The following MYO16 variants were observed in gnomAD, a reference collection of about 807,000 sequenced individuals.
MYO16 encodes the protein myosin XVI.
MYO16 carries 94 observed loss-of-function variants against 205.3 expected under a neutral mutation model. The ratio of observed to expected loss-of-function variants is 0.46; its 90% confidence interval spans 0.39 to 0.54. MYO16 has a LOEUF of 0.54. Ranked by LOEUF, MYO16 falls within the 20% of genes least tolerant of loss-of-function variation. The pLI is 0.00. For synonymous variants in MYO16, 988 were observed against 954.0 expected (o/e 1.04, Z -0.66); for missense variants, 2,315 against 2,387.5 (o/e 0.97, Z 0.63).
intron 14 of MYO16, among the ~76,000 whole-genome samples, chr13:108,889,624 A>T (rs1261072382): frequency 6.6e-6 from 1 of 152,222 alleles, no homozygotes; most frequent in Non-Finnish European, 1.5e-5. Flanking sequence ...CTCTACCTAG[A>T]GATGGAACCC....
chr13:108,960,849 T>A (rs1883554335), intron 17 of MYO16, among the ~76,000 whole-genome samples: 2 of 152,252 alleles, frequency 1.3e-5, no homozygotes, highest in Middle Eastern at 3.2e-3. Context: ...TCATTTTTTT[T>A]ATGCAGCGTT....
At chr13:109,040,385 C>CAGAGAGAGAGAGAGAG (rs146955371) in intron 23 of MYO16, among the ~76,000 whole-genome samples, 1,665 of 113,100 alleles carry the variant, frequency 0.015, 28 homozygotes, top group Middle Eastern at 0.03. Context: ...CACACACACA[C>CAGAGAGAGAGAGAGAG]AGAGAGAGAG....
chr13:109,079,990 C>G (rs560626126), intron 27 of MYO16, among the ~76,000 whole-genome samples: 1 of 151,414 alleles, frequency 6.6e-6, no homozygotes, highest in African/African-American at 2.4e-5. Context: ...ATTCTCCTGC[C>G]TTAGCCTCCT....
chr13:109,066,880 A>T (rs1050528170), intron 27 of MYO16, among the ~76,000 whole-genome samples: 17 of 152,278 alleles, frequency 1.1e-4, no homozygotes, highest in African/African-American at 3.8e-4. Flanking sequence ...GATTTTTTAG[A>T]AAAACGGACG....
intron 2 of MYO16, among the ~76,000 whole-genome samples, chr13:108,669,344 C>T (rs1428386506): frequency 6.6e-6 from 1 of 151,920 alleles, no homozygotes; most frequent in African/African-American, 2.4e-5. Flanking sequence ...GTTTTCTTGA[C>T]TTGTTGGGAG....
chr13:108,808,300 C>CTTT (rs11464211), intron 7 of MYO16, among the ~76,000 whole-genome samples: 5 of 144,656 alleles, frequency 3.5e-5, no homozygotes, highest in Admixed American at 1.4e-4. Flanking sequence ...TTCTTCTTTG[C>CTTT]TTTTTTTTTT....
intron 5 of MYO16, among the ~76,000 whole-genome samples, chr13:108,791,210 A>T (rs1886606676): frequency 6.6e-6 from 1 of 152,218 alleles, no homozygotes; most frequent in Non-Finnish European, 1.5e-5. Context: ...TCAGAAGCTG[A>T]GGAATGGTCA....
chr13:108,707,117 C>T (rs1364034668), intron 2 of MYO16, among the ~76,000 whole-genome samples: 1 of 152,128 alleles, frequency 6.6e-6, no homozygotes, highest in Non-Finnish European at 1.5e-5. Flanking sequence ...GAGCAGCTCA[C>T]TTGAATAAAG....
At position 109,203,489 on chromosome 13, in the gene MYO16, A is replaced by AT. The variant is rs138251487; in HGVS notation, c.5416-3119dup. Among the ~76,000 whole-genome samples the AT allele has an allele frequency of 9.6e-3, 1,447 of 151,200 alleles. 30 individuals carry two copies. The highest frequency in any genetic ancestry group is 0.033 in the African/African-American group (1,375 of 41,092). On this transcript the variant is annotated intron_variant, in intron 34 of 34. Transcript: ENST00000457511. ...TTGGCTTCTGGCTTCCAGTGTTTCC[A>AT]TGAAGACATCAGCTTTCACTCTTAC...
At chr13:108,861,081 GACAA>G (rs1472930185) in intron 11 of MYO16, among the ~76,000 whole-genome samples, 10 of 151,880 alleles carry the variant, frequency 6.6e-5, no homozygotes. Flanking sequence ...ATTAAATAAC[GACAA>G]ACAAACAAGG....
chr13:108,583,525 CTTGGAATA>C, the MYO16 span, among the ~76,000 whole-genome samples: 1 of 152,212 alleles, frequency 6.6e-6, no homozygotes, highest in East Asian at 1.9e-4. Context: ...GCATAGAGGA[CTTGGAATA>C]TTATAATCCA....
At chr13:108,764,198 A>G (rs1412948404) in intron 4 of MYO16, among the ~76,000 whole-genome samples, 1 of 152,218 alleles carries the variant, frequency 6.6e-6, no homozygotes, top group Non-Finnish European at 1.5e-5. Flanking sequence ...CATACATTTT[A>G]CTGTGTGAAA....
At chr13:108,928,456 T>C (rs1882107885) in intron 16 of MYO16, among the ~76,000 whole-genome samples, 1 of 152,246 alleles carries the variant, frequency 6.6e-6, no homozygotes, top group Non-Finnish European at 1.5e-5. Context: ...TAATTAATAT[T>C]CATAATGCCA....
intron 3 of MYO16, among the ~76,000 whole-genome samples, chr13:108,722,116 G>GC (rs1404819423): frequency 6.6e-6 from 1 of 152,112 alleles, no homozygotes; most frequent in African/African-American, 2.4e-5. Flanking sequence ...GCTCTTCTTG[G>GC]CATTTTGAGA....
chr13:108,800,932 A>G (rs1189188902), intron 6 of MYO16, among the ~76,000 whole-genome samples: 2 of 151,474 alleles, frequency 1.3e-5, no homozygotes, highest in East Asian at 1.9e-4. Flanking sequence ...ATACATGTGG[A>G]AAAAAGCCTC....
intron 27 of MYO16, among the ~76,000 whole-genome samples, chr13:109,064,920 C>G (rs1463741531): frequency 6.6e-6 from 1 of 152,216 alleles, no homozygotes; most frequent in Non-Finnish European, 1.5e-5. Context: ...TCCCCAAACT[C>G]AGTGGCATAA....
intron 34 of MYO16, among the ~76,000 whole-genome samples, chr13:109,196,171 GAC>G (rs1324203130): frequency 6.6e-6 from 1 of 152,134 alleles, no homozygotes; most frequent in Non-Finnish European, 1.5e-5. Context: ...GATGTTGAGA[GAC>G]ACAAGATTCT....
intron 4 of MYO16, among the ~76,000 whole-genome samples, chr13:108,770,397 A>G (rs1407750871): frequency 6.6e-6 from 1 of 152,234 alleles, no homozygotes; most frequent in Non-Finnish European, 1.5e-5. Context: ...AGCAAATTAT[A>G]TAAACTGGTA....
At chr13:108,906,139 C>T (rs1205990781) in intron 15 of MYO16, among the ~76,000 whole-genome samples, 1 of 152,140 alleles carries the variant, frequency 6.6e-6, no homozygotes. Context: ...TTAAATCACT[C>T]ACTGTTTTCT....
Sources: allele counts gnomAD v4.1 joint callset (sites outside exome capture counted in the v4.1 genomes callset), GRCh38; gene constraint gnomAD v4.1.1; transcripts MANE v1.5; gene names NCBI Gene and HGNC (gene_info 2026-07-23, HGNC 2026-07-21).